AGPS: variants seen among roughly 807,000 people sequenced by gnomAD.
AGPS encodes the protein alkylglycerone phosphate synthase, also known as alkyldihydroxyacetonephosphate synthase, peroxisomal.
AGPS carries 26 observed loss-of-function variants against 90.7 expected under a neutral mutation model. The ratio of observed to expected loss-of-function variants is 0.29; its 90% CI spans 0.21 to 0.40. The LOEUF is 0.40. Ranked by LOEUF, AGPS falls within the 10% of genes least tolerant of loss-of-function variation. The pLI, the probability that AGPS is intolerant of heterozygous loss-of-function variation, is 1.00. For missense variants in AGPS, 540 were observed against 816.1 expected (o/e 0.66, Z 4.12); for synonymous variants, 294 against 285.3 (o/e 1.03, Z -0.31).
intron 2 of AGPS, 42 bp from the exon 3 acceptor site, chr2:177,434,285 A>G: frequency 4.3e-6 from 6 of 1,407,710 alleles, no homozygotes; most frequent in Non-Finnish European, 6.0e-6. Flanking sequence ...AATTTAAATG[A>G]AGATACTTTG....
At position 177,462,063 on chromosome 2, in the gene AGPS, G is replaced by T. The variant is rs962208189; in HGVS notation, c.996+45G>T. The T allele has an allele frequency of 2.8e-6, 4 of 1,447,312 alleles. No homozygotes were observed. The African/African-American group carries it at 5.7e-5, about 21-fold the overall frequency. 89.7% of individuals were successfully genotyped at this position (1,447,312 alleles called of 1,614,324 possible). ...TTATGTAATAATTGATTAGTATATA[G>T]ATATTATTATAAAATGATTAGAAGC... On this transcript the variant is annotated intron_variant, in intron 9 of 19. Coordinates refer to ENST00000264167, the MANE Select transcript of AGPS (RefSeq NM_003659.4).
At chr2:177,403,973 T>G (rs1027114630) in intron 1 of AGPS, among the ~76,000 whole-genome samples, 12 of 152,220 alleles carry the variant, frequency 7.9e-5, no homozygotes, top group Non-Finnish European at 2.9e-5. Context: ...AAAAAGGGCC[T>G]TAATGAGTCA....
chr2:177,428,832 C>G (rs925190053), intron 2 of AGPS, among the ~76,000 whole-genome samples: 1 of 152,036 alleles, frequency 6.6e-6, no homozygotes, highest in Non-Finnish European at 1.5e-5. Context: ...CTGGGGTTCT[C>G]TGGACTTCCT....
chr2:177,472,321 C>G (rs1282260064), intron 10 of AGPS, among the ~76,000 whole-genome samples: 1 of 150,312 alleles, frequency 6.7e-6, no homozygotes, highest in Non-Finnish European at 1.5e-5. Context: ...TTTGTATTCT[C>G]CTTTGGGTAG....
intron 16 of AGPS, among the ~76,000 whole-genome samples, chr2:177,512,799 A>G (rs1688912999): frequency 6.6e-6 from 1 of 152,214 alleles, no homozygotes; most frequent in East Asian, 1.9e-4. Flanking sequence ...GTCAAACTGG[A>G]TTTCAGCTTG....
chr2:177,421,743 A>G (rs9917333), intron 2 of AGPS, among the ~76,000 whole-genome samples: 132,707 of 151,952 alleles, frequency 0.87, 58,088 homozygotes, highest in East Asian at 0.98. Flanking sequence ...GCCTAATACA[A>G]TAGAAACATC....
intron 9 of AGPS, 45 bp from the exon 10 acceptor site, chr2:177,468,371 C>A: frequency 1.7e-6 from 2 of 1,155,412 alleles, no homozygotes; most frequent in Non-Finnish European, 2.6e-6. Flanking sequence ...GACACACATT[C>A]ACTAACAGAT....
intron 2 of AGPS, among the ~76,000 whole-genome samples, chr2:177,425,622 G>GAAAA (rs1159060576): frequency 3.1e-5 from 3 of 95,242 alleles, no homozygotes; most frequent in African/African-American, 1.2e-4. Flanking sequence ...ACTCTGCCTA[G>GAAAA]AAAAAAAAAA....
At chr2:177,395,823 G>T (rs1685157830) in intron 1 of AGPS, among the ~76,000 whole-genome samples, 1 of 152,180 alleles carries the variant, frequency 6.6e-6, no homozygotes, top group Non-Finnish European at 1.5e-5. Context: ...ATATCACATG[G>T]CCTGGAGTAG....
At chr2:177,503,136 T>C (rs1319538167) in intron 14 of AGPS, among the ~76,000 whole-genome samples, 1 of 152,170 alleles carries the variant, frequency 6.6e-6, no homozygotes, top group Non-Finnish European at 1.5e-5. Flanking sequence ...TCTCTTTGCT[T>C]ACCCTTCACT....
intron 10 of AGPS, among the ~76,000 whole-genome samples, chr2:177,480,251 C>A (rs563657980): frequency 6.6e-6 from 1 of 152,124 alleles, no homozygotes; most frequent in African/African-American, 2.4e-5. Flanking sequence ...GATTATAAAT[C>A]GTGCTGCTAT....
At chr2:177,525,174 CTA>C (rs2079072555) in intron 19 of AGPS, among the ~76,000 whole-genome samples, 1 of 152,120 alleles carries the variant, frequency 6.6e-6, no homozygotes, top group Non-Finnish European at 1.5e-5. Context: ...TCCGATTACT[CTA>C]AAAGTCCAAA....
intron 2 of AGPS, among the ~76,000 whole-genome samples, chr2:177,428,421 G>A (rs935135595): frequency 7.2e-5 from 11 of 152,186 alleles, no homozygotes; most frequent in Non-Finnish European, 1.3e-4. Flanking sequence ...AGTGTCACTG[G>A]TCTGTGTACT....
intron 17 of AGPS, among the ~76,000 whole-genome samples, chr2:177,516,815 T>C (rs1399274085): frequency 6.6e-6 from 1 of 152,202 alleles, no homozygotes; most frequent in Non-Finnish European, 1.5e-5. Flanking sequence ...CTTCACACTT[T>C]ATTTGAATTT....
At chr2:177,394,635 T>C (rs1685118123) in intron 1 of AGPS, among the ~76,000 whole-genome samples, 1 of 152,224 alleles carries the variant, frequency 6.6e-6, no homozygotes, top group South Asian at 2.1e-4. Context: ...GTATAATGGC[T>C]GGGAACATAG....
At position 177,418,192 on chromosome 2, in the gene AGPS, G is replaced by T. The variant is rs543050570; in HGVS notation, c.261-2077G>T. ...AAAGGTACCTACAGTTGAAAATTTG[G>T]AAGTTCTTTAGAATATTACCCAACT... On this transcript the variant is annotated intron_variant, in intron 1 of 19. Transcript: ENST00000264167. Among the ~76,000 whole-genome samples the T allele has an allele frequency of 1.2e-4, 19 of 152,154 alleles. 1 individual carries two copies. The highest frequency in any genetic ancestry group is 1.2e-3 in the Admixed American group (18 of 15,284).
rs535648879 is a variant in AGPS, at chr2:177,459,829, G to T, written c.871-2064G>T. ...CCCATTACTGGGTATATACCCAAAG[G>T]ATTATAAATCAGCCTACGATAAAGA... On this transcript the variant is annotated intron_variant, in intron 8 of 19. Coordinates refer to ENST00000264167, the MANE Select transcript of AGPS (RefSeq NM_003659.4). 5.5e-4 allele frequency among the ~76,000 whole-genome samples: 84 copies of T among 152,252 alleles called. 2 individuals carry two copies. The highest frequency in any genetic ancestry group is 1.9e-3 in the South Asian group (9 of 4,822).
intron 7 of AGPS, among the ~76,000 whole-genome samples, chr2:177,443,252 G>C (rs1686662436): frequency 6.6e-6 from 1 of 152,056 alleles, no homozygotes; most frequent in Non-Finnish European, 1.5e-5. Context: ...TTGATAAAAA[G>C]TGTCTGTTTT....
chr2:177,466,419 A>C (rs1260772697), intron 9 of AGPS, among the ~76,000 whole-genome samples: 1 of 152,256 alleles, frequency 6.6e-6, no homozygotes, highest in Non-Finnish European at 1.5e-5. Context: ...TGGAACTGGC[A>C]GCCCAGCCCC....
Sources: allele counts gnomAD v4.1 joint callset (sites outside exome capture counted in the v4.1 genomes callset), GRCh38; gene constraint gnomAD v4.1.1; transcripts MANE v1.5; gene names NCBI Gene and HGNC (gene_info 2026-07-23, HGNC 2026-07-21).